Variants in ENOX1 observed in about 807,000 individuals in gnomAD.
ENOX1 encodes the protein candidate growth-related and time keeping constitutive hydroquinone (NADH) oxidase.
Under a neutral mutation model 82.5 loss-of-function variants are expected in ENOX1, and 42 were observed. The ratio of observed to expected loss-of-function variants is 0.51; its 90% CI spans 0.40 to 0.66. ENOX1 has a LOEUF of 0.66. ENOX1 is among the 30% of genes least tolerant of loss of function. ENOX1 has a pLI of 0.00. For synonymous variants in ENOX1, 271 were observed against 282.2 expected (o/e 0.96, Z 0.40); for missense variants, 608 against 811.6 (o/e 0.75, Z 3.05).
rs572117737 is a variant in ENOX1 at position 43,487,556 on chromosome 13, C to T, written c.-218-3404G>A. 3.9e-5 allele frequency among the ~76,000 whole-genome samples: 6 copies of T among 152,232 alleles called. No homozygotes were observed. In the East Asian group the frequency reaches 9.7e-4, roughly 25 times the overall value. ...CTGCTACCAAGAGAGGTACACGATC[C>T]CATGGGGTCCTGTTCTATTTAACTG... On this transcript the variant is annotated intron_variant, in intron 2 of 16. Coordinates refer to ENST00000690772, the MANE Select transcript of ENOX1 (RefSeq NM_001347969.2).
At chr13:43,462,622 A>G (rs568733301) in intron 3 of ENOX1, among the ~76,000 whole-genome samples, 2 of 152,348 alleles carry the variant, frequency 1.3e-5, no homozygotes, top group East Asian at 3.9e-4. Context: ...TTCTGTTATC[A>G]CTGGTGTGAA....
chr13:43,753,546 A>AC (rs1327970140), intron 1 of ENOX1, among the ~76,000 whole-genome samples: 2 of 152,210 alleles, frequency 1.3e-5, no homozygotes, highest in Non-Finnish European at 2.9e-5. Context: ...GGAATTAAGA[A>AC]TTAAGATCAA....
chr13:43,511,395 A>C (rs1174280432), intron 2 of ENOX1, among the ~76,000 whole-genome samples: 1 of 152,184 alleles, frequency 6.6e-6, no homozygotes, highest in African/African-American at 2.4e-5. Context: ...GATTAACTGC[A>C]CAATAGAGTT....
chr13:43,328,028 A>G (rs886603174), intron 9 of ENOX1, among the ~76,000 whole-genome samples: 1 of 152,146 alleles, frequency 6.6e-6, no homozygotes, highest in Non-Finnish European at 1.5e-5. Context: ...ATTTGACTCA[A>G]TTTTAACAGG....
intron 3 of ENOX1, 114 bp from the exon 4 acceptor site, chr13:43,413,102 C>A: frequency 9.1e-7 from 1 of 1,101,680 alleles, no homozygotes; most frequent in Non-Finnish European, 1.2e-6. Flanking sequence ...TTTCCAGTCT[C>A]AGGCACAGAA....
intron 11 of ENOX1, among the ~76,000 whole-genome samples, chr13:43,311,210 G>A (rs182964587): frequency 2.6e-5 from 4 of 152,028 alleles, no homozygotes; most frequent in Admixed American, 2.0e-4. Flanking sequence ...ATTATATAGA[G>A]GAGAGAGGCA....
chr13:43,423,997 G>A lies in ENOX1; in HGVS notation c.-74-11009C>T, dbSNP rs118111940. Reference sequence around the variant, plus strand: ...AAGAGAGACAGGAAAGAGTCGTCTTGAGGAAGGGATAAGGCCTCTGGGACA... The same window carrying A: ...AAGAGAGACAGGAAAGAGTCGTCTTAAGGAAGGGATAAGGCCTCTGGGACA... On this transcript the variant is annotated intron_variant, in intron 3 of 16. Transcript: ENST00000690772. Among the ~76,000 whole-genome samples, 1,203 of 152,324 alleles carry A rather than the reference G, an allele frequency of 7.9e-3. 8 individuals carry two copies. The highest frequency in any genetic ancestry group is 0.011 in the Non-Finnish European group (773 of 68,024).
intron 2 of ENOX1, among the ~76,000 whole-genome samples, chr13:43,650,207 C>T (rs1408618458): frequency 6.6e-6 from 1 of 152,216 alleles, no homozygotes; most frequent in Admixed American, 6.5e-5. Context: ...GTATCACTGA[C>T]CAGTTCTTGG....
chr13:43,322,724 T>C (rs1473243250), intron 10 of ENOX1, among the ~76,000 whole-genome samples: 1 of 152,220 alleles, frequency 6.6e-6, no homozygotes, highest in East Asian at 1.9e-4. Flanking sequence ...TAGGGCTCTT[T>C]AGCAAATAAT....
At chr13:43,507,320 G>C (rs989948836) in intron 2 of ENOX1, among the ~76,000 whole-genome samples, 2 of 151,808 alleles carry the variant, frequency 1.3e-5, no homozygotes, top group African/African-American at 2.4e-5. Flanking sequence ...CAAAATTAAA[G>C]GGCTCATCAA....
intron 3 of ENOX1, among the ~76,000 whole-genome samples, chr13:43,483,656 T>C (rs2058590633): frequency 6.6e-6 from 1 of 152,280 alleles, no homozygotes; most frequent in Admixed American, 6.5e-5. Flanking sequence ...ATCCACAAGG[T>C]CTTAAACAAT....
At chr13:43,741,002 G>A (rs1444883775) in intron 1 of ENOX1, among the ~76,000 whole-genome samples, 1 of 151,986 alleles carries the variant, frequency 6.6e-6, no homozygotes, top group Non-Finnish European at 1.5e-5. Context: ...AAATATCTAG[G>A]AGAAGAATTG....
At chr13:43,390,845 T>A (rs1198406204) in intron 5 of ENOX1, among the ~76,000 whole-genome samples, 1 of 152,186 alleles carries the variant, frequency 6.6e-6, no homozygotes, top group Non-Finnish European at 1.5e-5. Context: ...TCTTTCTCCC[T>A]GCCTCCCTTC....
At chr13:43,247,986 C>T (rs1292559481) in intron 14 of ENOX1, among the ~76,000 whole-genome samples, 5 of 139,370 alleles carry the variant, frequency 3.6e-5, no homozygotes, top group Admixed American at 1.4e-4. Flanking sequence ...CCCGGGTTCA[C>T]GCCATTCTCC....
chr13:43,493,507 C>A (rs917008480), intron 2 of ENOX1, among the ~76,000 whole-genome samples: 1 of 152,190 alleles, frequency 6.6e-6, no homozygotes, highest in East Asian at 1.9e-4. Flanking sequence ...AAGGAAAAGG[C>A]CATCCTGGCT....
intron 2 of ENOX1, among the ~76,000 whole-genome samples, chr13:43,632,595 G>GCCACCATGTCCAGCTAATTTTTT (rs2153751455): frequency 6.6e-6 from 1 of 151,818 alleles, no homozygotes; most frequent in African/African-American, 2.4e-5. Context: ...ACAGGCGCCT[G>GCCACCATGTCCAGCTAATTTTTT]CCACCATGTC....
At chr13:43,537,033 A>G (rs904298812) in intron 2 of ENOX1, among the ~76,000 whole-genome samples, 1 of 152,174 alleles carries the variant, frequency 6.6e-6, no homozygotes, top group Admixed American at 6.5e-5. Context: ...TGGTGAAAAA[A>G]CCACACATAG....
At chr13:43,392,255 C>T (rs962079235) in intron 5 of ENOX1, among the ~76,000 whole-genome samples, 7 of 152,202 alleles carry the variant, frequency 4.6e-5, no homozygotes, top group African/African-American at 7.2e-5. Context: ...AATCAGTTTA[C>T]TTGTTTACTA....
chr13:43,463,871 C>T (rs1173934521), intron 3 of ENOX1, among the ~76,000 whole-genome samples: 1 of 152,154 alleles, frequency 6.6e-6, no homozygotes, highest in East Asian at 1.9e-4. Flanking sequence ...AATAAAATTG[C>T]TACTCTTATT....
Sources: allele counts gnomAD v4.1 joint callset (sites outside exome capture counted in the v4.1 genomes callset), GRCh38; gene constraint gnomAD v4.1.1; transcripts MANE v1.5; gene names NCBI Gene and HGNC (gene_info 2026-07-23, HGNC 2026-07-21).